TTC13: variants seen among roughly 807,000 people sequenced by gnomAD.
TTC13 encodes tetratricopeptide repeat protein 13.
Under a neutral mutation model 120.0 loss-of-function variants are expected in TTC13, and 62 were observed. The ratio of observed to expected loss-of-function variants is 0.52; its 90% CI spans 0.42 to 0.64. The LOEUF (loss-of-function observed/expected upper bound fraction) is 0.64. TTC13 is among the 30% of genes least tolerant of loss of function. TTC13 has a pLI of 0.00. For synonymous variants in TTC13, 384 were observed against 393.5 expected (o/e 0.98, Z 0.28); for missense variants, 824 against 1,050.2 (o/e 0.78, Z 2.98).
At chr1:230,969,218 C>T (rs1326732834) in intron 1 of TTC13, among the ~76,000 whole-genome samples, 1 of 151,836 alleles carries the variant, frequency 6.6e-6, no homozygotes, top group African/African-American at 2.4e-5. Flanking sequence ...GCCGAGATTG[C>T]GCCACTGCAC....
In TTC13 at chr1:230,978,726, C is replaced by G; in HGVS notation, c.105G>C (p.Leu35=). ...RVLLLLLLGV[L]SAGLRPGALA... ...GGGCGCCTGGCCGCAGCCCGGCGGA[C>G]AGGACCCCCAGCAGCAGCAGCAGCA... The change falls in exon 1 of 23, where the codon CTG becomes CTC. Residue 35 remains leucine (L), a synonymous_variant. Transcript: ENST00000366661. The surrounding 1 kb of genome is among the most constrained non-coding windows in gnomAD (Gnocchi z 5.6). 1.3e-6 allele frequency: 2 copies of G among 1,496,736 alleles called. No individual in the cohort carries two copies. The highest frequency in any genetic ancestry group is 1.8e-6 in the Non-Finnish European group (2 of 1,131,692). The allele number at this position is 1,496,736 out of a possible 1,614,324, so 92.7% of individuals were successfully genotyped here. A position where few individuals can be genotyped will look rare whatever the true frequency, so the allele number is the denominator to read the frequency against.
intron 4 of TTC13, among the ~76,000 whole-genome samples, chr1:230,950,043 C>T (rs1675428003): frequency 6.6e-6 from 1 of 152,090 alleles, no homozygotes; most frequent in African/African-American, 2.4e-5. Flanking sequence ...ATTAAGCCTT[C>T]CTAAATTTAA....
At chr1:230,923,715 C>T in intron 15 of TTC13, 126 bp downstream of exon 15, 3 of 716,460 alleles carry the variant, frequency 4.2e-6, no homozygotes, top group Non-Finnish European at 7.2e-6. Flanking sequence ...GGTGCAGAGT[C>T]AATCAGTATG....
intron 2 of TTC13, among the ~76,000 whole-genome samples, chr1:230,958,712 G>C (rs913716601): frequency 1.3e-5 from 2 of 152,162 alleles, no homozygotes; most frequent in Non-Finnish European, 2.9e-5. Flanking sequence ...TTAGATAGAC[G>C]GGGCATGGTG....
intron 19 of TTC13, among the ~76,000 whole-genome samples, chr1:230,912,305 G>A (rs148858198): frequency 0.01 from 1,540 of 152,170 alleles, 7 homozygotes; most frequent in Middle Eastern, 0.017. Context: ...AGCAACAACC[G>A]CAACGAAGGG....
rs111300257 is a variant in TTC13 at position 230,907,470 on chromosome 1, C to T, written c.2469-451G>A. ...TTCAAGGTACGCTGTAAAGCGTTAA[C>T]TGCAGGATGTAAGGTAGCATTGTTA... On this transcript the variant is annotated intron_variant, in intron 22 of 22. Transcript: ENST00000366661. Among the ~76,000 whole-genome samples the T allele has an allele frequency of 3.7e-4, 57 of 152,364 alleles. 1 individual carries two copies. Among genetic ancestry groups the T allele is most frequent in the African/African-American group, 1.3e-3 (55 of 41,584 alleles).
chr1:230,931,331 T>A lies in TTC13; in HGVS notation c.1267A>T (p.Ser423Cys), dbSNP rs746617361. The A allele has an allele frequency of 1.9e-6, 3 of 1,614,162 alleles. No individual in the cohort carries two copies. The South Asian group carries it at 3.3e-5, about 18-fold the overall frequency. ...LNDPLPGQKA[S>C]PEYLKVKYLR... ...TACTTTACTTTAAGATACTCAGGGC[T>A]AGCCTTCTGGCCTGGGAGAGGATCA... Residue 423 changes from serine (S) to cysteine (C), a missense_variant, in exon 11 of 23, where the codon AGC becomes TGC. Ser to Cys is a moderately radical substitution (Grantham distance 112, BLOSUM62 -1). Transcript: ENST00000366661.
intron 22 of TTC13, 54 bp downstream of exon 22, chr1:230,908,658 C>T (rs1671178123): frequency 6.9e-7 from 1 of 1,452,814 alleles, no homozygotes; most frequent in Non-Finnish European, 9.6e-7. Context: ...ACAGGAAACT[C>T]CTTTTCCTCC....
chr1:230,908,685 T>TAC (rs759200577), intron 22 of TTC13, 27 bp downstream of exon 22: 2 of 1,602,346 alleles, frequency 1.2e-6, no homozygotes, highest in Non-Finnish European at 1.7e-6. Flanking sequence ...TATGATACCC[T>TAC]TGTGTGGACC....
At position 230,961,283 on chromosome 1, in the gene TTC13, G is replaced by A; in HGVS notation, c.292C>T (p.His98Tyr). The change falls in exon 2 of 23, where the codon CAT (histidine) becomes TAT (tyrosine). Residue 98 changes from histidine (H) to tyrosine (Y), a missense_variant. By Grantham distance (83) the His-to-Tyr change is moderately conservative (BLOSUM62 2). This residue lies in a region of TTC13 where 160 missense variants were observed against 137.2 expected (regional missense o/e 1.17). Transcript: ENST00000366661. Reference protein sequence around the residue: ...ECGESSFLNFHDSDCEPKGSS... With the variant: ...ECGESSFLNFYDSDCEPKGSS... ...CCCTTGGGTTCGCAGTCTGAGTCAT[G>A]GAAGTTCAAAAAGGATGACTCTGAA... 1 of 1,613,746 alleles carries A rather than the reference G, an allele frequency of 6.2e-7. No individual in the cohort carries two copies. Among genetic ancestry groups the A allele is most frequent in the Non-Finnish European group, 8.5e-7 (1 of 1,179,804 alleles).
At chr1:230,949,403 T>A (rs200863966) in intron 4 of TTC13, among the ~76,000 whole-genome samples, 7 of 33,410 alleles carry the variant, frequency 2.1e-4, no homozygotes, top group African/African-American at 2.2e-4. Flanking sequence ...AAATTTTAAA[T>A]TAAAAAAAAA....
intron 17 of TTC13, 23 bp downstream of exon 17, chr1:230,920,487 T>C (rs773151034): frequency 3.2e-6 from 5 of 1,548,944 alleles, no homozygotes; most frequent in Admixed American, 1.7e-5. Context: ...AAACATGGAC[T>C]GCCATTCTGA....
At chr1:230,928,387 A>G (rs1327820587) in intron 12 of TTC13, among the ~76,000 whole-genome samples, 1 of 152,144 alleles carries the variant, frequency 6.6e-6, no homozygotes, top group Non-Finnish European at 1.5e-5. Flanking sequence ...TATAAATGAT[A>G]TTTTTGTTGC....
At chr1:230,933,938 T>A in intron 8 of TTC13, 77 bp from the exon 9 acceptor site, 2 of 907,882 alleles carry the variant, frequency 2.2e-6, no homozygotes, top group Non-Finnish European at 3.3e-6. Context: ...TAAAAGGATT[T>A]AAATATATAT....
At chr1:230,943,281 G>T (rs983015441) in intron 6 of TTC13, among the ~76,000 whole-genome samples, 1 of 150,554 alleles carries the variant, frequency 6.6e-6, no homozygotes, top group Non-Finnish European at 1.5e-5. Context: ...TAAGTTTTAG[G>T]GTACATGTGC....
intron 2 of TTC13, among the ~76,000 whole-genome samples, chr1:230,959,686 A>G (rs1676445742): frequency 6.6e-6 from 1 of 152,240 alleles, no homozygotes; most frequent in South Asian, 2.1e-4. Flanking sequence ...CAGCCAAACA[A>G]CAAATCAAAT....
chr1:230,921,542 T>C (rs1553281745), intron 15 of TTC13, 38 bp from the exon 16 acceptor site: 1 of 1,037,328 alleles, frequency 9.6e-7, no homozygotes, highest in Middle Eastern at 2.7e-4. Context: ...AATATTTTTA[T>C]AGAAGAATAT....
chr1:230,946,061 G>A (rs1328088275), intron 4 of TTC13, among the ~76,000 whole-genome samples: 1 of 152,204 alleles, frequency 6.6e-6, no homozygotes, highest in Admixed American at 6.5e-5. Context: ...AGATGGGGTG[G>A]AGGAAACATC....
At chr1:230,966,896 T>C (rs1277666847) in intron 1 of TTC13, among the ~76,000 whole-genome samples, 1 of 152,190 alleles carries the variant, frequency 6.6e-6, no homozygotes, top group African/African-American at 2.4e-5. Flanking sequence ...AGTCTGGTTC[T>C]GGAGTCTGTG....
Sources: allele counts gnomAD v4.1 joint callset (sites outside exome capture counted in the v4.1 genomes callset), GRCh38; gene constraint gnomAD v4.1.1; regional missense constraint gnomAD v4.1.1; non-coding constraint Gnocchi (gnomAD v3.1); transcripts MANE v1.5; gene names NCBI Gene and HGNC (gene_info 2026-07-23, HGNC 2026-07-21).